The following ZNF821 variants were observed in gnomAD, a reference collection of about 807,000 sequenced individuals.
ZNF821 encodes the protein zinc finger protein 821.
A neutral mutation model predicts 44.3 loss-of-function variants in ZNF821; 16 were observed. That is an observed-to-expected ratio of 0.36 (90% CI 0.24 to 0.55). The LOEUF is 0.55. ZNF821 is among the 20% of genes least tolerant of loss of function. The pLI is 0.86. For synonymous variants in ZNF821, 204 were observed against 197.6 expected, an observed-to-expected ratio of 1.03 and a Z score of -0.27; for missense variants, 436 against 547.6, an observed-to-expected ratio of 0.80 and a Z score of 2.03.
At chr16:71,880,907 G>A (rs1174572541) in intron 2 of ZNF821, among the ~76,000 whole-genome samples, 1 of 152,166 alleles carries the variant, frequency 6.6e-6, no homozygotes, top group Non-Finnish European at 1.5e-5. Context: ...CATATAGGAG[G>A]GGATATATAC....
chr16:71,869,706 T>C (rs547655559), intron 3 of ZNF821, among the ~76,000 whole-genome samples: 81 of 152,260 alleles, frequency 5.3e-4, no homozygotes, highest in Non-Finnish European at 1.1e-3. Context: ...GGTGTGATCA[T>C]GGCTTACTCC....
intron 2 of ZNF821, among the ~76,000 whole-genome samples, chr16:71,882,828 G>A (rs1004601913): frequency 6.6e-6 from 1 of 152,080 alleles, no homozygotes; most frequent in East Asian, 1.9e-4. Flanking sequence ...TGTTTTATAG[G>A]CAGTTAAAGC....
upstream of ZNF821, among the ~76,000 whole-genome samples, chr16:71,888,351 G>A (rs1567453674): frequency 6.6e-6 from 1 of 151,746 alleles, no homozygotes; most frequent in Non-Finnish European, 1.5e-5. Context: ...AACTATCACC[G>A]CCTAGTCATG....
chr16:71,871,448 T>C (rs2035182746), intron 3 of ZNF821, among the ~76,000 whole-genome samples: 1 of 152,234 alleles, frequency 6.6e-6, no homozygotes, highest in African/African-American at 2.4e-5. Context: ...ACTATTTACC[T>C]AATCTCCAAA....
upstream of ZNF821, among the ~76,000 whole-genome samples, chr16:71,887,953 C>T (rs2036867965): frequency 6.6e-6 from 1 of 151,780 alleles, no homozygotes; most frequent in Non-Finnish European, 1.5e-5. Context: ...CATTGACCTC[C>T]CTGAGCTCAG....
chr16:71,893,261 T>G (rs1274220284), intron 1 of ZNF821, among the ~76,000 whole-genome samples: 7 of 147,628 alleles, frequency 4.7e-5, no homozygotes. Context: ...TCTCCTGACC[T>G]CGTGATCCTC....
chr16:71,874,891 G>A (rs939870979), intron 3 of ZNF821, among the ~76,000 whole-genome samples: 3 of 152,168 alleles, frequency 2.0e-5, no homozygotes, highest in Admixed American at 2.0e-4. Context: ...ATTGCCATAC[G>A]CAATGAAAAG....
chr16:71,860,694 T>C lies in ZNF821; in HGVS notation c.585-22A>G, dbSNP rs1398793080. 6.2e-7 allele frequency: 1 copy of C among 1,603,532 alleles called. No homozygotes were observed. Among genetic ancestry groups the C allele is most frequent in the South Asian group, 1.1e-5 (1 of 90,506 alleles). ...CTCACTGGAAAGGAAACATTTTGGA[T>C]GGTTAGTGTTTCCTTCTAGCAAGAG... On this transcript the variant is annotated intron_variant, in intron 7 of 7. Transcript: ENST00000425432. This position sits in a 1 kb window ranked among gnomAD's most constrained non-coding sequence, Gnocchi z 7.3.
At chr16:71,879,607 A>G (rs1018570621) in intron 3 of ZNF821, among the ~76,000 whole-genome samples, 2 of 152,188 alleles carry the variant, frequency 1.3e-5, no homozygotes, top group African/African-American at 2.4e-5. Context: ...GGATCTGCAG[A>G]GAGTAGGTAT....
upstream of ZNF821, among the ~76,000 whole-genome samples, chr16:71,888,209 A>G (rs571797154): frequency 2.0e-5 from 3 of 152,322 alleles, no homozygotes; most frequent in African/African-American, 7.2e-5. Flanking sequence ...GGTATCCCAA[A>G]TAAAAATAAT....
chr16:71,883,422 C>T, intron 1 of ZNF821, 149 bp from the exon 2 acceptor site: 1 of 348,346 alleles, frequency 2.9e-6, no homozygotes, highest in Non-Finnish European at 5.7e-6. Context: ...CCAGGAATTA[C>T]CAGACAAGAG....
At chr16:71,878,413 G>T (rs938219222) in intron 3 of ZNF821, among the ~76,000 whole-genome samples, 1 of 151,546 alleles carries the variant, frequency 6.6e-6, no homozygotes, top group African/African-American at 2.4e-5. Context: ...CACCGCGCCC[G>T]GCCACTATTT....
At chr16:71,878,517 A>G (rs930899594) in intron 3 of ZNF821, among the ~76,000 whole-genome samples, 12 of 152,052 alleles carry the variant, frequency 7.9e-5, no homozygotes, top group Non-Finnish European at 1.3e-4. Context: ...ATTAATGTCA[A>G]TTTAAGAAGG....
chr16:71,880,219 G>T (rs1220364901), intron 2 of ZNF821, among the ~76,000 whole-genome samples, 196 bp from the exon 3 acceptor site: 1 of 152,182 alleles, frequency 6.6e-6, no homozygotes, highest in Non-Finnish European at 1.5e-5. Flanking sequence ...TTTAAGAGGG[G>T]ACTCCCTCAG....
chr16:71,861,000 C>A lies in ZNF821; in HGVS notation c.585-328G>T, dbSNP rs917344308. On this transcript the variant is annotated intron_variant, in intron 7 of 7. Transcript: ENST00000425432. The surrounding 1 kb of genome is among the most constrained non-coding windows in gnomAD (Gnocchi z 7.3). The stretch of plus-strand genomic sequence containing the variant: ...CCTCCTGAGTAGCTGGGATTACAGG[C>A]GCACGCCACCACGCCCGGCTAATTT... Among the ~76,000 whole-genome samples, 1 of 152,078 alleles carries A rather than the reference C, an allele frequency of 6.6e-6. No homozygotes were observed. The highest frequency in any genetic ancestry group is 6.6e-5 in the Admixed American group (1 of 15,266).
chr16:71,884,880 CAG>C (rs2036787627), upstream of ZNF821: 1 of 102,050 alleles, frequency 9.8e-6, no homozygotes, highest in Admixed American at 1.2e-4. Flanking sequence ...TTTTTTGAGA[CAG>C]AGTCTCGCTC....
upstream of ZNF821, chr16:71,885,251 C>A (rs2142497169): frequency 6.6e-6 from 1 of 152,592 alleles, no homozygotes. Context: ...TTCTAGAATG[C>A]CTGAGCCTGC....
In ZNF821 at chr16:71,864,847, G is replaced by A. The variant is rs2034349842; in HGVS notation, c.312+56C>T. The A allele has an allele frequency of 1.9e-6, 3 of 1,604,708 alleles. No homozygotes were observed. The South Asian group carries it at 3.3e-5, about 18-fold the overall frequency. Reference sequence around the variant, plus strand: ...TGCCACAGGGGTGAGCAGCATCAGGGCAGGCAGAAGGGTAGGGCATTGCTG... The same window carrying A: ...TGCCACAGGGGTGAGCAGCATCAGGACAGGCAGAAGGGTAGGGCATTGCTG... On this transcript the variant is annotated intron_variant, in intron 5 of 7. Transcript: ENST00000425432.
chr16:71,881,274 T>C (rs1222606986), intron 2 of ZNF821: 1 of 152,212 alleles, frequency 6.6e-6, no homozygotes, highest in African/African-American at 2.4e-5. Flanking sequence ...TCTATGTAGC[T>C]AGAAGGACCT....
Sources: gnomAD v4.1 joint callset for allele counts (sites outside exome capture counted in the v4.1 genomes callset) on GRCh38, gnomAD v4.1.1 for gene constraint, Gnocchi (gnomAD v3.1) non-coding constraint, MANE v1.5 for transcripts, NCBI Gene and HGNC (gene_info 2026-07-23, HGNC 2026-07-21) for gene names.